Variants in GAB2 observed in about 807,000 individuals in gnomAD.
GAB2 encodes the protein GRB2-associated-binding protein 2.
In GAB2, 26 loss-of-function variants were observed where a neutral mutation model predicts 65.5. That is an observed-to-expected ratio of 0.40 (90% CI 0.29 to 0.55). The LOEUF (loss-of-function observed/expected upper bound fraction) is 0.55. Ranked by LOEUF, GAB2 falls within the 20% of genes least tolerant of loss-of-function variation. GAB2 has a pLI of 0.53. For missense variants in GAB2, 884 were observed against 875.8 expected (o/e 1.01, Z -0.12); for synonymous variants, 321 against 329.6 (o/e 0.97, Z 0.28).
At chr11:78,261,267 G>A (rs191797519) in intron 2 of GAB2, among the ~76,000 whole-genome samples, 219 of 152,178 alleles carry the variant, frequency 1.4e-3, no homozygotes, top group Non-Finnish European at 1.6e-3. Flanking sequence ...CGGCCTGGGC[G>A]ACAGAGTGAG....
intron 1 of GAB2, among the ~76,000 whole-genome samples, chr11:78,318,599 TCCC>T (rs1443961301): frequency 6.6e-6 from 1 of 151,864 alleles, no homozygotes; most frequent in Non-Finnish European, 1.5e-5. Context: ...GAAAGAAAGA[TCCC>T]TTTGCCTCAA....
chr11:78,284,731 A>G (rs1259883265), intron 1 of GAB2, among the ~76,000 whole-genome samples: 1 of 151,850 alleles, frequency 6.6e-6, no homozygotes, highest in African/African-American at 2.4e-5. Context: ...CTCACAAAGC[A>G]TGTATACCCC....
Position 78,260,411 on chromosome 11 carries a change from G to A in GAB2, c.377-10011C>T, listed in dbSNP as rs368750357. 3.6e-4 allele frequency among the ~76,000 whole-genome samples: 55 copies of A among 152,250 alleles called. 1 individual carries two copies. In the Middle Eastern group the frequency reaches 0.014, roughly 38 times the overall value. On this transcript the variant is annotated intron_variant, in intron 2 of 9. Transcript: ENST00000361507. Reference sequence around the variant, plus strand: ...CTTTTACAACCTTCTTTGGCTCGAGGCATCTCATTTCAGAGATGGAAATGC... The same window carrying A: ...CTTTTACAACCTTCTTTGGCTCGAGACATCTCATTTCAGAGATGGAAATGC...
chr11:78,316,801 C>A (rs1354385903), intron 1 of GAB2, among the ~76,000 whole-genome samples: 3 of 152,148 alleles, frequency 2.0e-5, no homozygotes, highest in African/African-American at 7.2e-5. Flanking sequence ...CCCCAAAAAA[C>A]TGAAAGCAGG....
intron 2 of GAB2, among the ~76,000 whole-genome samples, chr11:78,257,004 A>G (rs1048554271): frequency 6.8e-6 from 1 of 146,646 alleles, no homozygotes; most frequent in African/African-American, 2.5e-5. Flanking sequence ...ATTTTCTTTT[A>G]AACAGTTTTT....
At chr11:78,387,972 A>G (rs1856789785) in intron 1 of GAB2, 1 of 152,214 alleles carries the variant, frequency 6.6e-6, no homozygotes, top group Non-Finnish European at 1.5e-5. Flanking sequence ...AATACATAAG[A>G]AATGCACAGG....
intron 1 of GAB2, among the ~76,000 whole-genome samples, chr11:78,412,300 G>T (rs1857140306): frequency 1.3e-5 from 2 of 152,150 alleles, no homozygotes; most frequent in South Asian, 4.1e-4. Flanking sequence ...TAAACAGACT[G>T]TGTGGTACAT....
chr11:78,409,525 G>A (rs569772996), intron 1 of GAB2, among the ~76,000 whole-genome samples: 82 of 152,152 alleles, frequency 5.4e-4, no homozygotes, highest in African/African-American at 1.4e-3. Flanking sequence ...TGGAGGTTGC[G>A]GAGAGCTGAG....
intron 1 of GAB2, among the ~76,000 whole-genome samples, chr11:78,289,651 A>G (rs1866595646): frequency 6.6e-6 from 1 of 152,184 alleles, no homozygotes; most frequent in Non-Finnish European, 1.5e-5. Flanking sequence ...AAAAAAAGAC[A>G]TAATACGCTA....
intron 6 of GAB2, among the ~76,000 whole-genome samples, chr11:78,222,429 A>G (rs1243226415): frequency 6.6e-6 from 1 of 151,712 alleles, no homozygotes; most frequent in African/African-American, 2.4e-5. Flanking sequence ...TGGTAATTAT[A>G]TTTTCAGAAT....
At chr11:78,285,546 A>C (rs1265565869) in intron 1 of GAB2, among the ~76,000 whole-genome samples, 1 of 152,150 alleles carries the variant, frequency 6.6e-6, no homozygotes, top group Non-Finnish European at 1.5e-5. Context: ...GTTCACTGCA[A>C]CTTCCACCTC....
At chr11:78,263,041 T>C (rs942996552) in intron 2 of GAB2, among the ~76,000 whole-genome samples, 5 of 152,240 alleles carry the variant, frequency 3.3e-5, no homozygotes, top group Admixed American at 6.5e-5. Context: ...TCTGGCCCTT[T>C]ACAGAGAAAG....
chr11:78,363,586 CTT>C (rs772252348), intron 1 of GAB2, among the ~76,000 whole-genome samples: 61 of 135,270 alleles, frequency 4.5e-4, no homozygotes, highest in Admixed American at 6.7e-4. Context: ...AATATATTTT[CTT>C]TTTTTTTTTT....
intron 1 of GAB2, among the ~76,000 whole-genome samples, chr11:78,354,009 G>T (rs1197087279): frequency 2.0e-5 from 3 of 152,210 alleles, no homozygotes; most frequent in African/African-American, 7.2e-5. Context: ...CTGAGAATTT[G>T]CATTTCTCAG....
chr11:78,275,247 G>C (rs1436997899), intron 2 of GAB2, among the ~76,000 whole-genome samples: 1 of 152,112 alleles, frequency 6.6e-6, no homozygotes, highest in African/African-American at 2.4e-5. Flanking sequence ...ATGGGGAGTG[G>C]GTAGACGGAG....
intron 1 of GAB2, among the ~76,000 whole-genome samples, chr11:78,292,253 G>C (rs1298914075): frequency 6.6e-6 from 1 of 152,130 alleles, no homozygotes; most frequent in Admixed American, 6.5e-5. Context: ...CAGAAAGCGG[G>C]AAGTTAAAAG....
At chr11:78,228,038 G>A (rs907209618) in intron 3 of GAB2, among the ~76,000 whole-genome samples, 1 of 152,196 alleles carries the variant, frequency 6.6e-6, no homozygotes, top group Admixed American at 6.5e-5. Context: ...AGTAAAAAGA[G>A]AAGAGAAACA....
chr11:78,374,929 T>C (rs951517504), intron 1 of GAB2, among the ~76,000 whole-genome samples: 40 of 152,232 alleles, frequency 2.6e-4, no homozygotes, highest in Admixed American at 2.6e-3. Flanking sequence ...ATCAAGTCTA[T>C]TGAAATATTA....
chr11:78,416,587 C>T (rs1857199180), intron 1 of GAB2, among the ~76,000 whole-genome samples: 1 of 152,162 alleles, frequency 6.6e-6, no homozygotes, highest in African/African-American at 2.4e-5. Flanking sequence ...TTCGGCACCA[C>T]AGCCCGTTAA....
Sources: allele counts gnomAD v4.1 joint callset (sites outside exome capture counted in the v4.1 genomes callset), GRCh38; gene constraint gnomAD v4.1.1; transcripts MANE v1.5; gene names NCBI Gene and HGNC (gene_info 2026-07-23, HGNC 2026-07-21).